The following TMEM245 variants were observed in gnomAD, a reference collection of about 807,000 sequenced individuals.
The protein encoded by TMEM245 is transmembrane protein 245.
In TMEM245, 69 loss-of-function variants were observed where a neutral mutation model predicts 101.2. The observed-to-expected ratio is 0.68, with a 90% CI of 0.56 to 0.83. The LOEUF (loss-of-function observed/expected upper bound fraction) is 0.83. TMEM245 is among the 40% of genes least tolerant of loss of function. The probability of loss-of-function intolerance (pLI) is 0.00; values close to 1 mark genes in which losing one functional copy is unlikely to be tolerated. For synonymous variants in TMEM245, 537 were observed against 449.8 expected (o/e 1.19, Z -2.45); for missense variants, 1,075 against 1,092.8 (o/e 0.98, Z 0.23).
rs552322611 is a variant in TMEM245 at position 109,056,649 on chromosome 9, C to A, written c.1854+542G>T. 5.3e-5 allele frequency among the ~76,000 whole-genome samples: 8 copies of A among 151,996 alleles called. No homozygotes were observed. In the East Asian group the frequency reaches 1.4e-3, roughly 26 times the overall value. The stretch of plus-strand genomic sequence containing the variant: ...TTAATTAATTTTAAAAAGTTTAGCA[C>A]GGCAAACCTCAATTTTTGTTCACTT... On this transcript the variant is annotated intron_variant, in intron 12 of 17. Transcript: ENST00000374586.
In TMEM245 at chr9:109,088,033, A is replaced by C. The variant is rs527337675; in HGVS notation, c.1151-691T>G. Among the ~76,000 whole-genome samples the C allele has an allele frequency of 6.6e-5, 10 of 152,304 alleles. No homozygotes were observed. In the East Asian group the frequency reaches 1.9e-3, roughly 29 times the overall value. On this transcript the variant is annotated intron_variant, in intron 5 of 17. Transcript: ENST00000374586. The stretch of plus-strand genomic sequence containing the variant: ...AGTTGGGCAGTGAAGTGGCTCTTTA[A>C]GCAGAGGTTAAGCTTCCTGTTAGAA...
Position 109,015,561 on chromosome 9 carries a change from T to C in TMEM245, c.*4899A>G, listed in dbSNP as rs1306606697. 1 of 152,644 alleles carries C rather than the reference T, an allele frequency of 6.6e-6. No homozygotes were observed. Among genetic ancestry groups the C allele is most frequent in the Non-Finnish European group, 1.5e-5 (1 of 68,036 alleles). 9.5% of individuals were successfully genotyped at this position (152,644 alleles called of 1,614,324 possible). ...ATAAGCCAAAATTATCAGGATTTGC[T>C]TCCATACTTTTCACTGTAAAATAAA... On this transcript the variant is annotated 3_prime_UTR_variant, in exon 18 of 18. Coordinates refer to ENST00000374586, the MANE Select transcript of TMEM245 (RefSeq NM_032012.4).
At chr9:109,063,969 A>T (rs1051111714) in intron 10 of TMEM245, among the ~76,000 whole-genome samples, 3 of 152,232 alleles carry the variant, frequency 2.0e-5, no homozygotes, top group African/African-American at 7.2e-5. Context: ...CTTCAGTTTC[A>T]AACCAAGCTC....
At chr9:109,042,774 T>C (rs1342991772) in intron 14 of TMEM245, among the ~76,000 whole-genome samples, 1 of 151,666 alleles carries the variant, frequency 6.6e-6, no homozygotes, top group Admixed American at 6.6e-5. Flanking sequence ...ACTTCCTCCC[T>C]CTTATAAGAA....
chr9:109,043,440 G>A (rs2132354229), intron 14 of TMEM245, among the ~76,000 whole-genome samples: 1 of 152,252 alleles, frequency 6.6e-6, no homozygotes, highest in South Asian at 2.1e-4. Context: ...AAGTTTACCA[G>A]TCTAATATTT....
At chr9:109,063,511 T>C (rs1028582416) in intron 10 of TMEM245, among the ~76,000 whole-genome samples, 1 of 152,238 alleles carries the variant, frequency 6.6e-6, no homozygotes, top group Non-Finnish European at 1.5e-5. Context: ...CACATACTAA[T>C]ATATTTTTCT....
At chr9:109,100,455 C>T (rs2132613525) in intron 3 of TMEM245, among the ~76,000 whole-genome samples, 1 of 152,260 alleles carries the variant, frequency 6.6e-6, no homozygotes, top group South Asian at 2.1e-4. Flanking sequence ...CTCCCAGTAG[C>T]TGGGACTATA....
intron 3 of TMEM245, among the ~76,000 whole-genome samples, chr9:109,100,630 T>C (rs1370982583): frequency 6.6e-6 from 1 of 152,192 alleles, no homozygotes; most frequent in Non-Finnish European, 1.5e-5. Context: ...GCTGGAATTA[T>C]AGCATGAGCC....
intron 8 of TMEM245, among the ~76,000 whole-genome samples, chr9:109,080,230 T>TA (rs1436898040): frequency 5.3e-5 from 8 of 151,898 alleles, no homozygotes; most frequent in African/African-American, 1.9e-4. Flanking sequence ...TCAGATAAAA[T>TA]AAAGATTAAA....
rs544114489 is a variant in TMEM245 at position 109,087,446 on chromosome 9, T to TA, written c.1151-105dup. ...CAAAACCTTTCTAAAACAACAAAGC[T>TA]AGTATTAAAAAGAAGATCAATGTTA... On this transcript the variant is annotated intron_variant, in intron 5 of 17. Transcript: ENST00000374586. 67 of 1,143,090 alleles carry TA rather than the reference T, an allele frequency of 5.9e-5. No homozygotes were observed. The African/African-American group carries it at 1.1e-3, about 18-fold the overall frequency. The allele number at this position is 1,143,090 out of a possible 1,614,324, so 70.8% of individuals were successfully genotyped here.
intron 17 of TMEM245, among the ~76,000 whole-genome samples, chr9:109,026,411 T>C (rs536441909): frequency 2.6e-5 from 4 of 151,924 alleles, no homozygotes; most frequent in Non-Finnish European, 4.4e-5. Context: ...GAGATCTGAA[T>C]AGTTAGGAGT....
At chr9:109,028,814 T>C (rs955955576) in intron 17 of TMEM245, among the ~76,000 whole-genome samples, 1 of 152,130 alleles carries the variant, frequency 6.6e-6, no homozygotes, top group Non-Finnish European at 1.5e-5. Flanking sequence ...GCCTCAGTTA[T>C]ACAACTACAA....
chr9:109,022,827 T>C (rs1166058245), intron 17 of TMEM245, among the ~76,000 whole-genome samples: 1 of 152,246 alleles, frequency 6.6e-6, no homozygotes, highest in Non-Finnish European at 1.5e-5. Context: ...AACTGGCTAA[T>C]ACTACAAAGC....
intron 14 of TMEM245, among the ~76,000 whole-genome samples, chr9:109,042,732 C>T (rs570513185): frequency 1.3e-5 from 2 of 151,714 alleles, no homozygotes; most frequent in African/African-American, 4.8e-5. Context: ...AGTATGCGCA[C>T]AATTTGTGCA....
At chr9:109,097,478 C>T (rs1371308418) in intron 3 of TMEM245, among the ~76,000 whole-genome samples, 1 of 152,182 alleles carries the variant, frequency 6.6e-6, no homozygotes, top group East Asian at 1.9e-4. Flanking sequence ...GGAAAGAAGA[C>T]TCCCCAGGTT....
At chr9:109,091,553 G>A (rs920359506) in intron 4 of TMEM245, among the ~76,000 whole-genome samples, 8 of 152,156 alleles carry the variant, frequency 5.3e-5, no homozygotes, top group African/African-American at 1.9e-4. Context: ...TAGATTAGGT[G>A]TATTTATATA....
At chr9:109,064,661 C>T in intron 9 of TMEM245, 94 bp from the exon 10 acceptor site, 2 of 1,003,538 alleles carry the variant, frequency 2.0e-6, no homozygotes, top group Non-Finnish European at 3.0e-6. Context: ...CCATAACAGA[C>T]AGACTGTTGA....
chr9:109,119,590 C>A lies in TMEM245; in HGVS notation c.324G>T (p.Trp108Cys). ...TGTGCGCGCGGTGCAGGCGCTGCAGCCAGTGGCGGCCCAGGCGCGTCAGCG... is the reference window on the plus strand; with the variant it reads ...TGTGCGCGCGGTGCAGGCGCTGCAGACAGTGGCGGCCCAGGCGCGTCAGCG... ...KSSLTRLGRHWLQRLHRAHTP... is the reference protein window; with the variant it reads ...KSSLTRLGRHCLQRLHRAHTP... The change falls in exon 1 of 18, where the codon TGG (tryptophan) becomes TGT (cysteine). Residue 108 changes from tryptophan (W) to cysteine (C), a missense_variant. By Grantham distance (215) the Trp-to-Cys change is radical. Coordinates refer to ENST00000374586, the MANE Select transcript of TMEM245 (RefSeq NM_032012.4). The A allele has an allele frequency of 6.4e-7, 1 of 1,550,486 alleles. No homozygotes were observed.
intron 3 of TMEM245, among the ~76,000 whole-genome samples, chr9:109,100,929 G>GA (rs1830267514): frequency 6.6e-6 from 1 of 152,110 alleles, no homozygotes; most frequent in African/African-American, 2.4e-5. Context: ...AGGTCTAAGA[G>GA]AAAACCACTG....
Sources: allele counts gnomAD v4.1 joint callset (sites outside exome capture counted in the v4.1 genomes callset), GRCh38; gene constraint gnomAD v4.1.1; transcripts MANE v1.5; gene names NCBI Gene and HGNC (gene_info 2026-07-23, HGNC 2026-07-21).